PNO1: variants seen among roughly 807,000 people sequenced by gnomAD.
The protein encoded by PNO1 is partner of NOB1 homolog.
Under a neutral mutation model 28.4 loss-of-function variants are expected in PNO1, and 16 were observed. The observed-to-expected ratio is 0.56, with a 90% CI of 0.38 to 0.85. The LOEUF is 0.85. Ranked by LOEUF, PNO1 falls within the 40% of genes least tolerant of loss-of-function variation. The pLI, the probability that PNO1 is intolerant of heterozygous loss-of-function variation, is 0.00. For missense variants in PNO1, 304 were observed against 312.2 expected (o/e 0.97, Z 0.20); for synonymous variants, 115 against 110.8 (o/e 1.04, Z -0.24).
rs1371568570 is a variant in PNO1 at position 68,175,779 on chromosome 2, T to C, written c.*977T>C. 6.6e-6 allele frequency: 1 copy of C among 152,234 alleles called. No homozygotes were observed. The highest frequency in any genetic ancestry group is 2.4e-5 in the African/African-American group (1 of 41,460). 9.4% of individuals were successfully genotyped at this position (152,234 alleles called of 1,614,324 possible). The stretch of plus-strand genomic sequence containing the variant: ...AACCAATGTTGGGTATACAGATGCT[T>C]CTCAACTTATGATGGGTTTAGGTCC... On this transcript the variant is annotated 3_prime_UTR_variant, in exon 7 of 7. Transcript: ENST00000263657.
Position 68,162,566 on chromosome 2 carries a change from CATCTATCCAGGGCAATAGGAAGA to C in PNO1, c.527_549del (p.Leu176ArgfsTer23). 6.2e-7 allele frequency: 1 copy of C among 1,612,874 alleles called. No individual in the cohort carries two copies. The highest frequency in any genetic ancestry group is 8.5e-7 in the Non-Finnish European group (1 of 1,178,930). The stretch of plus-strand genomic sequence containing the variant: ...TTTAGTTAAACCCCTAAAGGGAGAC[CATCTATCCAGGGCAATAGGAAGA>C]ATCGCTGGCAAAGGAGGAAAAACCA... On this transcript the variant is annotated frameshift_variant, in exon 5 of 7. Coordinates refer to ENST00000263657, the MANE Select transcript of PNO1 (RefSeq NM_020143.4). LOFTEE classifies it high-confidence loss of function.
intron 5 of PNO1, among the ~76,000 whole-genome samples, chr2:68,172,746 C>G (rs1367020277): frequency 2.0e-5 from 3 of 152,188 alleles, no homozygotes; most frequent in Non-Finnish European, 4.4e-5. Flanking sequence ...CTTCTCTCCT[C>G]ATCCGTAAAA....
At chr2:68,169,705 T>G (rs1035277835) in intron 5 of PNO1, among the ~76,000 whole-genome samples, 4 of 152,244 alleles carry the variant, frequency 2.6e-5, no homozygotes, top group African/African-American at 9.6e-5. Context: ...TTGTGTATAT[T>G]TTACGGTAGT....
At chr2:68,170,231 A>G (rs747351720) in intron 5 of PNO1, among the ~76,000 whole-genome samples, 1 of 152,212 alleles carries the variant, frequency 6.6e-6, no homozygotes, top group Non-Finnish European at 1.5e-5. Context: ...AGCCAGATAG[A>G]AAACTAAAAA....
chr2:68,173,106 T>A, intron 5 of PNO1: 1 of 223,380 alleles, frequency 4.5e-6, no homozygotes, highest in African/African-American at 2.5e-5. Flanking sequence ...TTTTTTTTTT[T>A]TAAGAGAGAG....
intron 5 of PNO1, among the ~76,000 whole-genome samples, chr2:68,163,648 G>A (rs1419409490): frequency 4.1e-5 from 6 of 144,812 alleles, no homozygotes; most frequent in Non-Finnish European, 8.8e-5. Context: ...AGATGCCCTT[G>A]TGAGTCTTTA....
chr2:68,161,380 T>C, intron 2 of PNO1: 1 of 463,282 alleles, frequency 2.2e-6, no homozygotes, highest in South Asian at 1.8e-5. Flanking sequence ...TTCTTCAGAA[T>C]GGGAGAGATT....
intron 6 of PNO1, among the ~76,000 whole-genome samples, chr2:68,174,294 T>G (rs1181927396): frequency 3.4e-5 from 5 of 148,444 alleles, no homozygotes; most frequent in Admixed American, 2.0e-4. Context: ...TAAGGTTTTT[T>G]TTTTTTTTTT....
Position 68,162,330 on chromosome 2 carries a change from G to C in PNO1, c.502+5G>C, listed in dbSNP as rs770275102. ...AGTCTTTTGAAATTACAGATGGTGA[G>C]TGTGTGTTGGTCTGCGCTCTTGTGT... On this transcript the variant is annotated splice_donor_5th_base_variant and intron_variant, in intron 4 of 6. Transcript: ENST00000263657. The C allele has an allele frequency of 1.2e-6, 2 of 1,600,898 alleles. No individual in the cohort carries two copies. The highest frequency in any genetic ancestry group is 1.1e-5 in the South Asian group (1 of 89,884).
Position 68,162,316 on chromosome 2 carries a change from A to G in PNO1, c.493A>G (p.Ile165Val), listed in dbSNP as rs1383160730. The change falls in exon 4 of 7, where the codon ATT (isoleucine) becomes GTT (valine). Residue 165 changes from isoleucine (I) to valine (V), a missense_variant. Physicochemically the swap from Ile to Val is conservative, Grantham distance 29. Transcript: ENST00000263657. ...LDDLFLESFE[I>V]TDVKPLKGDH... Reference sequence around the variant, plus strand: ...TGACCTCTTCCTAGAGTCTTTTGAAATTACAGATGGTGAGTGTGTGTTGGT... The same window carrying G: ...TGACCTCTTCCTAGAGTCTTTTGAAGTTACAGATGGTGAGTGTGTGTTGGT... 6.2e-7 allele frequency: 1 copy of G among 1,610,616 alleles called. No homozygotes were observed. The highest frequency in any genetic ancestry group is 8.5e-7 in the Non-Finnish European group (1 of 1,177,738).
chr2:68,171,593 T>C (rs1285741342), intron 5 of PNO1, among the ~76,000 whole-genome samples: 1 of 152,220 alleles, frequency 6.6e-6, no homozygotes, highest in Non-Finnish European at 1.5e-5. Context: ...ATGTTTGTTT[T>C]GTTCATCTGC....
Position 68,174,908 on chromosome 2 carries a change from C to T in PNO1, c.*106C>T. On this transcript the variant is annotated 3_prime_UTR_variant, in exon 7 of 7. Coordinates refer to ENST00000263657, the MANE Select transcript of PNO1 (RefSeq NM_020143.4). ...GAACAATTTCAGTCATTTGAAGCCT[C>T]CGTCCCTTCTTCCATTCTCAGCCAG... 1 of 624,318 alleles carries T rather than the reference C, an allele frequency of 1.6e-6. No individual in the cohort carries two copies. The highest frequency in any genetic ancestry group is 2.9e-6 in the Non-Finnish European group (1 of 350,754). The allele number at this position is 624,318 out of a possible 1,614,324, so 38.7% of individuals were successfully genotyped here. A position where few individuals can be genotyped will look rare whatever the true frequency, so the allele number is the denominator to read the frequency against.
chr2:68,162,520 C>T, intron 4 of PNO1, 26 bp from the exon 5 acceptor site: 1 of 1,501,742 alleles, frequency 6.7e-7, no homozygotes, highest in Non-Finnish European at 9.3e-7. Flanking sequence ...TGGCTTGCCT[C>T]CTGAGATCTT....
chr2:68,163,185 C>A (rs929125612), intron 5 of PNO1, among the ~76,000 whole-genome samples: 1 of 152,150 alleles, frequency 6.6e-6, no homozygotes, highest in South Asian at 2.1e-4. Context: ...ATTCTTTTCT[C>A]ATTTAACAAT....
At chr2:68,171,132 T>C (rs937158707) in intron 5 of PNO1, among the ~76,000 whole-genome samples, 1 of 152,258 alleles carries the variant, frequency 6.6e-6, no homozygotes, top group Non-Finnish European at 1.5e-5. Flanking sequence ...GACTGCCTTA[T>C]CTTTCTTTTG....
At chr2:68,161,824 TCAATGGA>T in intron 3 of PNO1, 58 bp downstream of exon 3, 3 of 1,152,404 alleles carry the variant, frequency 2.6e-6, no homozygotes, top group Non-Finnish European at 3.9e-6. Flanking sequence ...TGTGAACATT[TCAATGGA>T]TTAGGCATTA....
chr2:68,170,474 G>T (rs543805043), intron 5 of PNO1, among the ~76,000 whole-genome samples: 15 of 152,162 alleles, frequency 9.9e-5, no homozygotes, highest in African/African-American at 3.6e-4. Context: ...TTGGCCGGGC[G>T]TGATGGCTCA....
intron 5 of PNO1, among the ~76,000 whole-genome samples, chr2:68,171,653 T>G (rs1674135136): frequency 6.6e-6 from 1 of 152,154 alleles, no homozygotes; most frequent in Non-Finnish European, 1.5e-5. Context: ...CACAAAGATC[T>G]TGAGTTGAGG....
intron 5 of PNO1, among the ~76,000 whole-genome samples, chr2:68,168,878 C>T (rs927321792): frequency 2.7e-5 from 4 of 149,906 alleles, no homozygotes; most frequent in Admixed American, 1.3e-4. Context: ...ACTGCAACTG[C>T]AGGCCTCAGT....
Sources: gnomAD v4.1 joint callset for allele counts (sites outside exome capture counted in the v4.1 genomes callset) on GRCh38, gnomAD v4.1.1 for gene constraint, MANE v1.5 for transcripts, NCBI Gene and HGNC (gene_info 2026-07-23, HGNC 2026-07-21) for gene names.